Variants in CSMD1 observed in about 807,000 individuals in gnomAD.
CSMD1 encodes the protein CUB and Sushi multiple domains 1, also known as CUB and sushi domain-containing protein 1.
CSMD1 carries 213 observed loss-of-function variants against 417.5 expected under a neutral mutation model. The observed-to-expected ratio is 0.51, with a 90% CI of 0.46 to 0.57. CSMD1 has a LOEUF of 0.57. Among genes scored for constraint, CSMD1 ranks in the 20% least tolerant of loss-of-function variants. The probability of loss-of-function intolerance (pLI) is 0.00; values close to 1 mark genes in which losing one functional copy is unlikely to be tolerated. For missense variants in CSMD1, 6,923 were observed against 4,529.7 expected, an observed-to-expected ratio of 1.53 and a Z score of -15.17; for synonymous variants, 2,862 against 1,736.8, an observed-to-expected ratio of 1.65 and a Z score of -16.11.
chr8:4,372,691 T>C (rs1157703824), intron 3 of CSMD1, among the ~76,000 whole-genome samples: 1 of 148,756 alleles, frequency 6.7e-6, no homozygotes, highest in South Asian at 2.1e-4. Flanking sequence ...GTCAAAGGAC[T>C]CAATAGCTAA....
intron 5 of CSMD1, among the ~76,000 whole-genome samples, chr8:3,788,905 G>T (rs575809899): frequency 3.9e-4 from 60 of 152,310 alleles, no homozygotes; most frequent in African/African-American, 1.4e-3. Context: ...CTCAGAGGAG[G>T]AAAGGGACTT....
chr8:3,171,783 A>G (rs1463222348), intron 37 of CSMD1, among the ~76,000 whole-genome samples: 3 of 152,222 alleles, frequency 2.0e-5, no homozygotes, highest in East Asian at 1.9e-4. Context: ...CTAGCTCTCT[A>G]TTGAAATACA....
At chr8:4,299,622 A>G (rs868412528) in intron 3 of CSMD1, among the ~76,000 whole-genome samples, 2 of 152,080 alleles carry the variant, frequency 1.3e-5, no homozygotes, top group East Asian at 3.9e-4. Flanking sequence ...ATCATATCAT[A>G]TATCATACAC....
intron 23 of CSMD1, among the ~76,000 whole-genome samples, chr8:3,319,195 C>G (rs75095318): frequency 0.056 from 8,462 of 152,224 alleles, 338 homozygotes; most frequent in Non-Finnish European, 0.078. Context: ...AAATGAAACT[C>G]ACATATTTCT....
chr8:3,552,894 C>G (rs1418212426), intron 10 of CSMD1, among the ~76,000 whole-genome samples: 4 of 152,024 alleles, frequency 2.6e-5, no homozygotes, highest in Admixed American at 2.6e-4. Context: ...AATTCTTCCA[C>G]TTTCTTGATA....
chr8:3,239,926 G>C (rs1178573881), intron 26 of CSMD1, among the ~76,000 whole-genome samples: 1 of 151,790 alleles, frequency 6.6e-6, no homozygotes, highest in East Asian at 1.9e-4. Flanking sequence ...AATTGTGGGA[G>C]ACTCAACAAA....
intron 22 of CSMD1, among the ~76,000 whole-genome samples, chr8:3,343,810 G>T (rs182548599): frequency 2.9e-4 from 44 of 152,068 alleles, no homozygotes; most frequent in Middle Eastern, 3.4e-3. Context: ...AAGTAAAAAG[G>T]ATTTATAATA....
At chr8:4,722,343 G>C (rs1018080576) in intron 1 of CSMD1, among the ~76,000 whole-genome samples, 1 of 152,102 alleles carries the variant, frequency 6.6e-6, no homozygotes, top group Non-Finnish European at 1.5e-5. Flanking sequence ...TATCCATGCA[G>C]ATTTTAATTT....
At chr8:4,685,723 G>C (rs898262123) in intron 1 of CSMD1, among the ~76,000 whole-genome samples, 2 of 152,170 alleles carry the variant, frequency 1.3e-5, no homozygotes, top group Non-Finnish European at 2.9e-5. Flanking sequence ...AATAAATTCT[G>C]AACATTCTTT....
intron 57 of CSMD1, among the ~76,000 whole-genome samples, chr8:2,969,359 T>C (rs1804238439): frequency 6.6e-6 from 1 of 152,196 alleles, no homozygotes; most frequent in African/African-American, 2.4e-5. Context: ...ATTTTAGTTA[T>C]GTAATGCAAC....
At chr8:3,691,121 C>T (rs1053250809) in intron 7 of CSMD1, among the ~76,000 whole-genome samples, 1 of 152,086 alleles carries the variant, frequency 6.6e-6, no homozygotes, top group Non-Finnish European at 1.5e-5. Context: ...AACCCCAGCA[C>T]TTTGGGAGGC....
intron 28 of CSMD1, among the ~76,000 whole-genome samples, chr8:3,220,235 A>G (rs1177826814): frequency 2.0e-5 from 3 of 151,762 alleles, no homozygotes; most frequent in African/African-American, 7.3e-5. Flanking sequence ...CCTTTCTCAC[A>G]TCATGTTTCA....
At chr8:4,478,492 A>G (rs965287905) in intron 2 of CSMD1, among the ~76,000 whole-genome samples, 1 of 152,174 alleles carries the variant, frequency 6.6e-6, no homozygotes, top group Non-Finnish European at 1.5e-5. Context: ...TTCCCCCCCA[A>G]AAAAACTGAA....
intron 42 of CSMD1, chr8:3,113,065 G>T (rs1210252519): frequency 6.6e-6 from 1 of 152,238 alleles, no homozygotes; most frequent in African/African-American, 2.4e-5. Context: ...CCTGTGATCT[G>T]CCACTGCAGG....
rs1442560212 is a variant in CSMD1, at chr8:4,352,378, A to G, written c.415+67575T>C. On this transcript the variant is annotated intron_variant, in intron 3 of 69. Transcript: ENST00000635120. Reference sequence around the variant, plus strand: ...TCAGATAATTCACAAACAGCAATAAATATGTCTGTAGATCCACAGAAAATG... The same window carrying G: ...TCAGATAATTCACAAACAGCAATAAGTATGTCTGTAGATCCACAGAAAATG... Among the ~76,000 whole-genome samples, 3 of 152,354 alleles carry G rather than the reference A, an allele frequency of 2.0e-5. No individual in the cohort carries two copies. The East Asian group carries it at 5.8e-4, about 29-fold the overall frequency.
intron 4 of CSMD1, among the ~76,000 whole-genome samples, chr8:4,021,918 A>C (rs936920181): frequency 6.6e-6 from 1 of 152,038 alleles, no homozygotes; most frequent in South Asian, 2.1e-4. Flanking sequence ...TCATCAACAA[A>C]GCTGACTAGC....
Position 3,072,546 on chromosome 8 carries a change from C to G in CSMD1, c.7474+14551G>C, listed in dbSNP as rs78312377. ...TCAAAATACTTGGAAGAGCACAGTTCTTGGCGTAGGTGTTTATGTGCATGT... is the reference window on the plus strand; with the variant it reads ...TCAAAATACTTGGAAGAGCACAGTTGTTGGCGTAGGTGTTTATGTGCATGT... On this transcript the variant is annotated intron_variant, in intron 49 of 69. Transcript: ENST00000635120. Among the ~76,000 whole-genome samples, 1,315 of 152,250 alleles carry G rather than the reference C, an allele frequency of 8.6e-3. 15 individuals are homozygous for G. The highest frequency in any genetic ancestry group is 0.031 in the African/African-American group (1,269 of 41,552).
intron 1 of CSMD1, among the ~76,000 whole-genome samples, chr8:4,964,004 C>A (rs1237210366): frequency 6.6e-6 from 1 of 151,992 alleles, no homozygotes; most frequent in African/African-American, 2.4e-5. Context: ...AAGCATATGG[C>A]ACATGTGAAG....
intron 1 of CSMD1, among the ~76,000 whole-genome samples, chr8:4,819,015 G>A (rs1254331693): frequency 2.0e-5 from 3 of 152,078 alleles, no homozygotes; most frequent in Non-Finnish European, 2.9e-5. Context: ...TATGTTTCAT[G>A]GCTGGTGAGG....
Sources: allele counts gnomAD v4.1 joint callset (sites outside exome capture counted in the v4.1 genomes callset), GRCh38; gene constraint gnomAD v4.1.1; transcripts MANE v1.5; gene names NCBI Gene and HGNC (gene_info 2026-07-23, HGNC 2026-07-21).